The following FSTL4 variants were observed in gnomAD, a reference collection of about 807,000 sequenced individuals.
The protein encoded by FSTL4 is follistatin-related protein 4.
Under a neutral mutation model 78.2 loss-of-function variants are expected in FSTL4, and 28 were observed. The ratio of observed to expected loss-of-function variants is 0.36; its 90% CI spans 0.27 to 0.49. The LOEUF (loss-of-function observed/expected upper bound fraction) is 0.49. Among genes scored for constraint, FSTL4 ranks in the 20% least tolerant of loss-of-function variants. The pLI, the probability that FSTL4 is intolerant of heterozygous loss-of-function variation, is 0.98. For synonymous variants in FSTL4, 422 were observed against 440.5 expected (o/e 0.96, Z 0.53); for missense variants, 922 against 1,084.9 (o/e 0.85, Z 2.11).
rs61741674 is a variant in FSTL4 at position 133,225,776 on chromosome 5, C to A, written c.1059G>T (p.Glu353Asp). 99,999 of 1,607,844 alleles carry A rather than the reference C, an allele frequency of 0.062. 3,630 individuals carry two copies. The highest frequency in any genetic ancestry group is 0.072 in the Non-Finnish European group (85,074 of 1,177,090). ...IRVYPESQAQ[E>D]PGVAASLRCH... ...ATCTTAGGCTGGCTGCCACTCCAGGCTCCTGTGCCTGGCTCTCTGGATAGA... is the reference window on the plus strand; with the variant it reads ...ATCTTAGGCTGGCTGCCACTCCAGGATCCTGTGCCTGGCTCTCTGGATAGA... The change falls in exon 9 of 16, where the codon GAG becomes GAT. Residue 353 changes from glutamate (E) to aspartate (D), a missense_variant. Glu to Asp is a conservative substitution (Grantham distance 45). Transcript: ENST00000265342. The surrounding 1 kb of genome is among the most constrained non-coding windows in gnomAD (Gnocchi z 4.6).
chr5:133,601,911 T>C (rs1760878170), intron 2 of FSTL4, among the ~76,000 whole-genome samples: 1 of 151,840 alleles, frequency 6.6e-6, no homozygotes, highest in South Asian at 2.1e-4. Context: ...CTTGAACTCC[T>C]GGGCTCAAGT....
chr5:133,725,393 G>C, the FSTL4 span, among the ~76,000 whole-genome samples: 1 of 152,152 alleles, frequency 6.6e-6, no homozygotes, highest in African/African-American at 2.4e-5. Flanking sequence ...CCAGGATGCA[G>C]TATTATTCTG....
At chr5:133,531,054 C>T (rs902965932) in intron 3 of FSTL4, among the ~76,000 whole-genome samples, 7 of 152,114 alleles carry the variant, frequency 4.6e-5, no homozygotes, top group Non-Finnish European at 7.4e-5. Context: ...TGGATAGGGC[C>T]GATATTCTTC....
intron 12 of FSTL4, among the ~76,000 whole-genome samples, chr5:133,218,361 C>T (rs1381539396): frequency 6.6e-6 from 1 of 152,218 alleles, no homozygotes; most frequent in African/African-American, 2.4e-5. Context: ...ACTGCTATAG[C>T]ATCCGTGTAT....
intron 3 of FSTL4, among the ~76,000 whole-genome samples, chr5:133,465,122 C>T (rs1317060853): frequency 6.6e-6 from 1 of 152,182 alleles, no homozygotes; most frequent in East Asian, 1.9e-4. Context: ...GTAATTTGCA[C>T]ATAGGGCAGT....
chr5:133,442,650 G>T (rs1311530333), intron 3 of FSTL4, among the ~76,000 whole-genome samples: 1 of 152,110 alleles, frequency 6.6e-6, no homozygotes, highest in Non-Finnish European at 1.5e-5. Context: ...TTGAGCCCTG[G>T]TAGAAGTGAG....
intron 3 of FSTL4, among the ~76,000 whole-genome samples, chr5:133,505,462 C>A (rs530150261): frequency 4.7e-4 from 71 of 152,204 alleles, no homozygotes; most frequent in Non-Finnish European, 2.6e-4. Context: ...AGGTGCCTGC[C>A]CCAGTAGGTG....
intron 3 of FSTL4, among the ~76,000 whole-genome samples, chr5:133,405,054 C>T (rs1238347495): frequency 6.6e-6 from 1 of 152,222 alleles, no homozygotes; most frequent in Non-Finnish European, 1.5e-5. Flanking sequence ...ACCTCATCTC[C>T]AGCTTGACTA....
At chr5:133,709,363 C>A in the FSTL4 span, among the ~76,000 whole-genome samples, 1 of 152,264 alleles carries the variant, frequency 6.6e-6, no homozygotes, top group African/African-American at 2.4e-5. Flanking sequence ...TATGTGCAAA[C>A]TCCACATTTG....
At chr5:133,215,493 T>A (rs910994048) in intron 13 of FSTL4, among the ~76,000 whole-genome samples, 2 of 152,210 alleles carry the variant, frequency 1.3e-5, no homozygotes, top group Non-Finnish European at 2.9e-5. Flanking sequence ...CACCCCCCAA[T>A]CTGCTCCCTG....
At chr5:133,807,027 T>A in the FSTL4 span, among the ~76,000 whole-genome samples, 1 of 151,690 alleles carries the variant, frequency 6.6e-6, no homozygotes, top group African/African-American at 2.4e-5. Flanking sequence ...ATGCTATGAA[T>A]ATGCATAAGT....
At chr5:133,693,486 T>C in the FSTL4 span, among the ~76,000 whole-genome samples, 1 of 152,156 alleles carries the variant, frequency 6.6e-6, no homozygotes, top group African/African-American at 2.4e-5. Flanking sequence ...CGATTCTGAT[T>C]TGACATTTTG....
intron 6 of FSTL4, among the ~76,000 whole-genome samples, chr5:133,297,584 G>A (rs891484145): frequency 9.9e-5 from 15 of 152,176 alleles, no homozygotes; most frequent in African/African-American, 3.1e-4. Flanking sequence ...ATGTTAAGCT[G>A]CTTAACACTC....
At chr5:133,472,222 C>CTA (rs1451703559) in intron 3 of FSTL4, among the ~76,000 whole-genome samples, 1 of 152,164 alleles carries the variant, frequency 6.6e-6, no homozygotes, top group Non-Finnish European at 1.5e-5. Context: ...ACCTGGAATT[C>CTA]TATATCCAGC....
the FSTL4 span, among the ~76,000 whole-genome samples, chr5:133,818,455 G>A: frequency 6.6e-6 from 1 of 152,188 alleles, no homozygotes; most frequent in East Asian, 1.9e-4. Context: ...AGCTACTGGA[G>A]AGGGGAGCCG....
chr5:133,419,939 A>G (rs1352312273), intron 3 of FSTL4, among the ~76,000 whole-genome samples: 2 of 152,272 alleles, frequency 1.3e-5, no homozygotes, highest in Admixed American at 6.5e-5. Context: ...CTATGCTCAC[A>G]AAAGGACACA....
the FSTL4 span, among the ~76,000 whole-genome samples, chr5:133,818,350 T>C: frequency 1.1e-4 from 16 of 152,192 alleles, no homozygotes; most frequent in African/African-American, 3.9e-4. Flanking sequence ...TGCAGGCCAG[T>C]ACTGAAGGCC....
chr5:133,213,076 C>G (rs1194770782), intron 13 of FSTL4, among the ~76,000 whole-genome samples: 5 of 67,564 alleles, frequency 7.4e-5, no homozygotes, highest in Non-Finnish European at 2.0e-4. Context: ...AATCTTGGCT[C>G]ACTGCAATCT....
At chr5:133,709,967 A>G in the FSTL4 span, among the ~76,000 whole-genome samples, 9 of 152,200 alleles carry the variant, frequency 5.9e-5, no homozygotes, top group African/African-American at 1.4e-4. Flanking sequence ...CACTGAGTTT[A>G]GGAAACTACC....
Sources: allele counts gnomAD v4.1 joint callset (sites outside exome capture counted in the v4.1 genomes callset), GRCh38; gene constraint gnomAD v4.1.1; non-coding constraint Gnocchi (gnomAD v3.1); transcripts MANE v1.5; gene names NCBI Gene and HGNC (gene_info 2026-07-23, HGNC 2026-07-21).